The following ARHGAP21 variants were observed in gnomAD, a reference collection of about 807,000 sequenced individuals.
ARHGAP21 encodes the protein Rho GTPase activating protein 21, also known as rho GTPase-activating protein 21.
Under a neutral mutation model 164.6 loss-of-function variants are expected in ARHGAP21, and 38 were observed. The ratio of observed to expected loss-of-function variants is 0.23; its 90% confidence interval spans 0.18 to 0.30. The LOEUF (loss-of-function observed/expected upper bound fraction) is 0.30. Ranked by LOEUF, ARHGAP21 falls within the 10% of genes least tolerant of loss-of-function variation. The pLI is 1.00. For synonymous variants in ARHGAP21, 766 were observed against 857.9 expected (o/e 0.89, Z 1.87); for missense variants, 1,822 against 2,370.7 (o/e 0.77, Z 4.81).
At position 24,624,949 on chromosome 10, in the gene ARHGAP21, T is replaced by G. The variant is rs1469946222; in HGVS notation, c.496-2187A>C. ...CTTGAGCTTTCTTTACCCTTGTACTTAAGTATTACACCTTTTGGAGTTTAA... is the reference window on the plus strand; with the variant it reads ...CTTGAGCTTTCTTTACCCTTGTACTGAAGTATTACACCTTTTGGAGTTTAA... On this transcript the variant is annotated intron_variant, in intron 7 of 25. Transcript: ENST00000396432. 2.7e-5 allele frequency among the ~76,000 whole-genome samples: 4 copies of G among 150,312 alleles called. No individual in the cohort carries two copies. The East Asian group carries it at 7.9e-4, about 30-fold the overall frequency.
rs2076032964 is a variant in ARHGAP21 at position 24,584,791 on chromosome 10, G to A, written c.5498C>T (p.Ser1833Leu). The change falls in exon 26 of 26, where the codon TCA becomes TTA. Residue 1833 changes from serine (S) to leucine (L), a missense_variant. Coordinates refer to ENST00000396432, the MANE Select transcript of ARHGAP21 (RefSeq NM_020824.4). ...TTTTGGTTTTAACCGGTTTACAGCT[G>A]AAAGTTCAGATTCTCTCTCCCCGCT... Reference protein sequence around the residue: ...EQSGERESELSAVNRLKPKCS... With the variant: ...EQSGERESELLAVNRLKPKCS... The A allele has an allele frequency of 6.2e-7, 1 of 1,613,970 alleles. No homozygotes were observed. Among genetic ancestry groups the A allele is most frequent in the Non-Finnish European group, 8.5e-7 (1 of 1,179,860 alleles).
At chr10:24,657,922 G>A (rs1184369771) in intron 4 of ARHGAP21, among the ~76,000 whole-genome samples, 4 of 135,156 alleles carry the variant, frequency 3.0e-5, no homozygotes, top group African/African-American at 5.8e-5. Flanking sequence ...GCGGAAGGCC[G>A]CAGGGTCCTC....
chr10:24,629,763 G>T, intron 7 of ARHGAP21: 2 of 569,358 alleles, frequency 3.5e-6, no homozygotes, highest in South Asian at 3.4e-5. Flanking sequence ...CTAAATGAGA[G>T]CATTAAGAGT....
rs766400406 is a variant in ARHGAP21 at position 24,584,589 on chromosome 10, G to T, written c.5700C>A (p.Ser1900=). 1.1e-5 allele frequency: 18 copies of T among 1,613,812 alleles called. No homozygotes were observed. The change falls in exon 26 of 26, where the codon TCC becomes TCA. Residue 1900 remains serine, a synonymous_variant. Coordinates refer to ENST00000396432, the MANE Select transcript of ARHGAP21 (RefSeq NM_020824.4). ...GCCTGTTTGTTGAAGCCAAGGTGCT[G>T]GAAGAACTGCCTGTGTTGCAATGAA... ...LSLHCNTGSS[S]STLASTNRPL...
intron 9 of ARHGAP21, among the ~76,000 whole-genome samples, chr10:24,608,702 T>A (rs886714765): frequency 6.6e-6 from 1 of 152,192 alleles, no homozygotes; most frequent in Non-Finnish European, 1.5e-5. Context: ...TACAAAAATA[T>A]AACATTTCCA....
Position 24,599,620 on chromosome 10 carries a change from A to G in ARHGAP21, c.3132+1026T>C, listed in dbSNP as rs552387430. On this transcript the variant is annotated intron_variant, in intron 14 of 25. Transcript: ENST00000396432. ...TTCGTGCCCCTTTTTTGGTTATAATAAATAGGCATGAAAAGTGAGAACACA... is the reference window on the plus strand; with the variant it reads ...TTCGTGCCCCTTTTTTGGTTATAATGAATAGGCATGAAAAGTGAGAACACA... 6.6e-5 allele frequency among the ~76,000 whole-genome samples: 10 copies of G among 152,352 alleles called. No homozygotes were observed. The South Asian group carries it at 1.0e-3, about 16-fold the overall frequency.
At chr10:24,659,441 G>C (rs1487777686) in intron 4 of ARHGAP21, among the ~76,000 whole-genome samples, 1 of 152,090 alleles carries the variant, frequency 6.6e-6, no homozygotes, top group African/African-American at 2.4e-5. Flanking sequence ...TCAGCCTTGC[G>C]AGTAGCTGGG....
chr10:24,589,441 C>T, intron 24 of ARHGAP21, 139 bp from the exon 25 acceptor site: 2 of 667,510 alleles, frequency 3.0e-6, no homozygotes, highest in Non-Finnish European at 4.9e-6. Context: ...AGTGGATAGT[C>T]AGAGCTCACA....
chr10:24,721,314 A>G (rs1845904287), intron 2 of ARHGAP21, among the ~76,000 whole-genome samples: 1 of 152,308 alleles, frequency 6.6e-6, no homozygotes, highest in South Asian at 2.1e-4. Context: ...CTATTCACGG[A>G]AAAACACTTC....
chr10:24,587,877 A>T (rs552215358), intron 25 of ARHGAP21, among the ~76,000 whole-genome samples: 19 of 152,356 alleles, frequency 1.2e-4, no homozygotes, highest in African/African-American at 3.8e-4. Flanking sequence ...TAATCATGTC[A>T]TTGGGATATC....
intron 25 of ARHGAP21, among the ~76,000 whole-genome samples, chr10:24,588,902 C>T (rs886872715): frequency 6.6e-6 from 1 of 152,092 alleles, no homozygotes; most frequent in South Asian, 2.1e-4. Flanking sequence ...AAGCAGGTGG[C>T]GTACAGAGCA....
intron 2 of ARHGAP21, among the ~76,000 whole-genome samples, chr10:24,685,983 C>G (rs191125671): frequency 6.6e-6 from 1 of 152,180 alleles, no homozygotes; most frequent in Non-Finnish European, 1.5e-5. Flanking sequence ...ACATATACTT[C>G]ACTGGAAGTA....
At chr10:24,646,942 G>T (rs1255689219) in intron 4 of ARHGAP21, among the ~76,000 whole-genome samples, 1 of 152,108 alleles carries the variant, frequency 6.6e-6, no homozygotes, top group African/African-American at 2.4e-5. Flanking sequence ...CTATAAAGAA[G>T]TTCCTTCCAG....
chr10:24,719,676 T>C (rs897552686), intron 2 of ARHGAP21, among the ~76,000 whole-genome samples: 1 of 152,244 alleles, frequency 6.6e-6, no homozygotes, highest in African/African-American at 2.4e-5. Flanking sequence ...CTGTGGAATG[T>C]AGTGCTTCTA....
In ARHGAP21 at chr10:24,607,231, AAAG is replaced by A. The variant is rs148582186; in HGVS notation, c.2684+265_2684+267del. ...TATAGAATAGCTCTAGAATTACACA[AAAG>A]AAAACAGTAACATATTATGTCTGAA... On this transcript the variant is annotated intron_variant, in intron 11 of 25. Coordinates refer to ENST00000396432, the MANE Select transcript of ARHGAP21 (RefSeq NM_020824.4). Among the ~76,000 whole-genome samples the A allele has an allele frequency of 1.5e-3, 232 of 152,358 alleles. 5 individuals are homozygous for A. The East Asian group carries it at 0.038, about 25-fold the overall frequency.
intron 2 of ARHGAP21, among the ~76,000 whole-genome samples, chr10:24,718,621 G>T (rs192935449): frequency 6.6e-6 from 1 of 152,178 alleles, no homozygotes; most frequent in African/African-American, 2.4e-5. Context: ...AAACTGTCCA[G>T]CATTCCAGAA....
intron 4 of ARHGAP21, among the ~76,000 whole-genome samples, chr10:24,665,741 A>G (rs1239422746): frequency 6.6e-6 from 1 of 152,234 alleles, no homozygotes; most frequent in Non-Finnish European, 1.5e-5. Flanking sequence ...AATAGATGCA[A>G]ATGTGGTATT....
At chr10:24,720,338 T>C (rs1233451639) in intron 2 of ARHGAP21, among the ~76,000 whole-genome samples, 1 of 150,270 alleles carries the variant, frequency 6.7e-6, no homozygotes, top group Admixed American at 6.6e-5. Context: ...CACAAGACAA[T>C]GACAAATAAG....
intron 2 of ARHGAP21, among the ~76,000 whole-genome samples, chr10:24,684,844 T>TGC (rs1842075294): frequency 6.6e-6 from 1 of 152,068 alleles, no homozygotes; most frequent in Non-Finnish European, 1.5e-5. Flanking sequence ...TCACCACGTT[T>TGC]GCCAGGCTGG....
Sources: gnomAD v4.1 joint callset for allele counts (sites outside exome capture counted in the v4.1 genomes callset) on GRCh38, gnomAD v4.1.1 for gene constraint, MANE v1.5 for transcripts, NCBI Gene and HGNC (gene_info 2026-07-23, HGNC 2026-07-21) for gene names.